Variants in TXNDC16 observed in about 807,000 individuals in gnomAD.
TXNDC16 encodes thioredoxin domain containing 16, also known as thioredoxin domain-containing protein 16.
In TXNDC16, 74 loss-of-function variants were observed where a neutral mutation model predicts 85.6. The observed-to-expected ratio is 0.86, with a 90% confidence interval of 0.72 to 1.05. The LOEUF (loss-of-function observed/expected upper bound fraction) is 1.05. Ranked by LOEUF, TXNDC16 falls within the 50% of genes least tolerant of loss-of-function variation. The pLI is 0.00. For missense variants in TXNDC16, 959 were observed against 947.0 expected, an observed-to-expected ratio of 1.01 and a Z score of -0.17; for synonymous variants, 335 against 326.5, an observed-to-expected ratio of 1.03 and a Z score of -0.28.
chr14:52,456,965 A>T (rs941989102), intron 17 of TXNDC16, 125 bp downstream of exon 17: 28 of 631,194 alleles, frequency 4.4e-5, no homozygotes, highest in Non-Finnish European at 6.8e-5. Flanking sequence ...AGAAGGAAAT[A>T]AAAAAAATTT....
intron 9 of TXNDC16, among the ~76,000 whole-genome samples, chr14:52,509,055 TA>T (rs889184349): frequency 9.3e-5 from 14 of 151,256 alleles, no homozygotes; most frequent in South Asian, 6.3e-4. Flanking sequence ...TAAAGTATAA[TA>T]AAAAAAACTA....
intron 6 of TXNDC16, among the ~76,000 whole-genome samples, chr14:52,530,810 G>A (rs989986103): frequency 6.7e-6 from 1 of 149,472 alleles, no homozygotes; most frequent in Non-Finnish European, 1.5e-5. Flanking sequence ...TAGAAAAAAA[G>A]ATATAAAATC....
chr14:52,438,640 T>C (rs1415188938), intron 20 of TXNDC16, among the ~76,000 whole-genome samples: 3 of 152,230 alleles, frequency 2.0e-5, no homozygotes, highest in East Asian at 3.8e-4. Context: ...TTTATTTCAA[T>C]ATTTGCTTTA....
At chr14:52,546,998 A>C (rs1566592779) in intron 1 of TXNDC16, among the ~76,000 whole-genome samples, 1 of 152,208 alleles carries the variant, frequency 6.6e-6, no homozygotes, top group Non-Finnish European at 1.5e-5. Flanking sequence ...TGGCTAATGA[A>C]CTTATTTATA....
At chr14:52,454,564 G>A (rs2035485398) in intron 18 of TXNDC16, among the ~76,000 whole-genome samples, 1 of 150,702 alleles carries the variant, frequency 6.6e-6, no homozygotes, top group African/African-American at 2.4e-5. Context: ...AGTACTTTGG[G>A]AGGCCGAGGC....
In TXNDC16 at chr14:52,544,384, G is replaced by C. The variant is rs1364760519; in HGVS notation, c.-181-13C>G. On this transcript the variant is annotated splice_polypyrimidine_tract_variant and intron_variant, in intron 1 of 20. Coordinates refer to ENST00000281741, the MANE Select transcript of TXNDC16 (RefSeq NM_020784.3). ...TGATCTATGTTATCTACATTTAAAAGAAGAAAGTTTAGAAAAATTAGTATA... is the reference window on the plus strand; with the variant it reads ...TGATCTATGTTATCTACATTTAAAACAAGAAAGTTTAGAAAAATTAGTATA... The C allele has an allele frequency of 6.6e-6, 1 of 151,956 alleles. No homozygotes were observed. Among genetic ancestry groups the C allele is most frequent in the Non-Finnish European group, 1.5e-5 (1 of 67,912 alleles). 9.4% of individuals were successfully genotyped at this position (151,956 alleles called of 1,614,324 possible).
chr14:52,509,174 A>T (rs1480553062), intron 9 of TXNDC16, among the ~76,000 whole-genome samples: 1 of 152,070 alleles, frequency 6.6e-6, no homozygotes, highest in African/African-American at 2.4e-5. Flanking sequence ...TACAGCAAAA[A>T]AAAAATTCAT....
intron 9 of TXNDC16, among the ~76,000 whole-genome samples, chr14:52,494,142 G>GAT (rs60266134): frequency 0.1 from 15,206 of 148,846 alleles, 888 homozygotes; most frequent in East Asian, 0.18. Context: ...TTTTAGGAAA[G>GAT]ATATATATAT....
At position 52,439,352 on chromosome 14, in the gene TXNDC16, A is replaced by C; in HGVS notation, c.2046T>G (p.Phe682Leu). 1 of 1,613,986 alleles carries C rather than the reference A, an allele frequency of 6.2e-7. No homozygotes were observed. ...GAAGAGGAAGGGGAGGCAGAGGATC[A>C]AAATATGCCCTCAAGATTCCTCTCC... ...PVGRGILRAY[F>L]DPLPPLPLLV... Residue 682 changes from phenylalanine to leucine, a missense_variant, in exon 20 of 21, where the codon TTT becomes TTG. Physicochemically the swap from Phe to Leu is conservative, Grantham distance 22. Coordinates refer to ENST00000281741, the MANE Select transcript of TXNDC16 (RefSeq NM_020784.3).
intron 9 of TXNDC16, among the ~76,000 whole-genome samples, chr14:52,497,567 G>C (rs1395758077): frequency 6.6e-6 from 1 of 152,080 alleles, no homozygotes; most frequent in African/African-American, 2.4e-5. Flanking sequence ...GAATATTAAG[G>C]CAAAAATCCT....
Position 52,537,623 on chromosome 14 carries a change from T to G in TXNDC16, c.293A>C (p.Asp98Ala). Reference sequence around the variant, plus strand: ...CTTGAATAAATATGCTTTCATCAAATCCTTTTCTTTTCCACAGTATCTTGA... The same window carrying G: ...CTTGAATAAATATGCTTTCATCAAAGCCTTTTCTTTTCCACAGTATCTTGA... ...EISRYCGKEKDLMKAYLFKGN... is the reference protein window; with the variant it reads ...EISRYCGKEKALMKAYLFKGN... Residue 98 changes from aspartate (D) to alanine (A), a missense_variant, in exon 5 of 21, where the codon GAT becomes GCT. Physicochemically the swap from Asp to Ala is moderately radical, Grantham distance 126 (BLOSUM62 -2). Transcript: ENST00000281741. The G allele has an allele frequency of 6.3e-7, 1 of 1,590,954 alleles. No homozygotes were observed. Among genetic ancestry groups the G allele is most frequent in the Non-Finnish European group, 8.6e-7 (1 of 1,160,776 alleles).
chr14:52,437,131 A>AT (rs2035047792), intron 20 of TXNDC16, among the ~76,000 whole-genome samples: 1 of 152,104 alleles, frequency 6.6e-6, no homozygotes, highest in Non-Finnish European at 1.5e-5. Context: ...ACAAATATAA[A>AT]TTTTTCTATG....
rs2767540 is a variant in TXNDC16, at chr14:52,431,949, G to C, written c.*355C>G. ...AGTAGTCACAGGCCACATGTGGCAA[G>C]GAACACTTGAAATATGGCTACTCGG... On this transcript the variant is annotated 3_prime_UTR_variant, in exon 21 of 21. Coordinates refer to ENST00000281741, the MANE Select transcript of TXNDC16 (RefSeq NM_020784.3). The C allele has an allele frequency of 4.4e-3, 816 of 184,154 alleles. 14 individuals carry two copies. Among genetic ancestry groups the C allele is most frequent in the Admixed American group, 0.039 (655 of 16,648 alleles). 11.4% of individuals were successfully genotyped at this position (184,154 alleles called of 1,614,324 possible).
chr14:52,438,672 C>A lies in TXNDC16; in HGVS notation c.2194+532G>T, dbSNP rs374734831. ...TTTATTGTGGTGGTCTCATACTGAA[C>A]CCTCAATATCTCTGAGGTATGCCTG... On this transcript the variant is annotated intron_variant, in intron 20 of 20. Coordinates refer to ENST00000281741, the MANE Select transcript of TXNDC16 (RefSeq NM_020784.3). Among the ~76,000 whole-genome samples the A allele has an allele frequency of 1.1e-3, 166 of 152,156 alleles. 1 individual carries two copies. Among genetic ancestry groups the A allele is most frequent in the African/African-American group, 3.9e-3 (162 of 41,532 alleles).
chr14:52,475,340 T>C (rs1442176072), intron 14 of TXNDC16, among the ~76,000 whole-genome samples: 1 of 152,030 alleles, frequency 6.6e-6, no homozygotes, highest in East Asian at 1.9e-4. Context: ...GGGGAGGGCA[T>C]GAATCCAGCG....
intron 2 of TXNDC16, 149 bp from the exon 3 acceptor site, chr14:52,543,779 T>C (rs939426235): frequency 2.9e-5 from 14 of 478,556 alleles, no homozygotes; most frequent in Non-Finnish European, 4.8e-5. Context: ...GGGGGGACAA[T>C]ATATAACAAC....
chr14:52,437,960 G>A (rs771003516), intron 20 of TXNDC16, among the ~76,000 whole-genome samples: 47 of 152,192 alleles, frequency 3.1e-4, no homozygotes, highest in Non-Finnish European at 5.4e-4. Flanking sequence ...TGTACACTTT[G>A]TGGGGCTCAA....
intron 9 of TXNDC16, among the ~76,000 whole-genome samples, chr14:52,509,519 A>G (rs1176678786): frequency 6.6e-6 from 1 of 151,818 alleles, no homozygotes; most frequent in Non-Finnish European, 1.5e-5. Context: ...CTTGTAGTCA[A>G]AATGCAACCA....
At chr14:52,434,506 A>G (rs752613135) in intron 20 of TXNDC16, among the ~76,000 whole-genome samples, 14 of 152,238 alleles carry the variant, frequency 9.2e-5, no homozygotes, top group Non-Finnish European at 1.6e-4. Flanking sequence ...TTACAATTTT[A>G]TAGACGAGAA....
Sources: gnomAD v4.1 joint callset for allele counts (sites outside exome capture counted in the v4.1 genomes callset) on GRCh38, gnomAD v4.1.1 for gene constraint, MANE v1.5 for transcripts, NCBI Gene and HGNC (gene_info 2026-07-23, HGNC 2026-07-21) for gene names.